Variants in FAT3 observed in about 807,000 individuals in gnomAD.
The protein encoded by FAT3 is protocadherin Fat 3.
FAT3 carries 95 observed loss-of-function variants against 310.2 expected under a neutral mutation model. The observed-to-expected ratio is 0.31, with a 90% CI of 0.26 to 0.36. The LOEUF is 0.36. Ranked by LOEUF, FAT3 falls within the 10% of genes least tolerant of loss-of-function variation. FAT3 has a pLI of 1.00. For synonymous variants in FAT3, 2,314 were observed against 2,192.9 expected (o/e 1.06, Z -1.54); for missense variants, 5,408 against 5,715.6 (o/e 0.95, Z 1.74).
chr11:92,771,762 TAA>T (rs5793624), intron 6 of FAT3, among the ~76,000 whole-genome samples: 68 of 140,604 alleles, frequency 4.8e-4, no homozygotes, highest in African/African-American at 1.2e-3. Context: ...GAGAGAACTG[TAA>T]AAAAAAAAAA....
intron 3 of FAT3, among the ~76,000 whole-genome samples, chr11:92,620,649 TA>T (rs141176140): frequency 0.034 from 5,160 of 152,158 alleles, 216 homozygotes; most frequent in East Asian, 0.21. Flanking sequence ...CTTCCATTAT[TA>T]AAAAAAATTA....
Position 92,848,954 on chromosome 11 carries a change from G to A in FAT3, c.11365+4222G>A, listed in dbSNP as rs1009086211. Among the ~76,000 whole-genome samples, 65 of 152,228 alleles carry A rather than the reference G, an allele frequency of 4.3e-4. 1 individual carries two copies. Among genetic ancestry groups the A allele is most frequent in the African/African-American group, 1.5e-3 (61 of 41,468 alleles). ...AGCCAAGGCATGGAGTTAAGAACTG[G>A]TGTGCAATTCAGTGCACGGATCGAG... On this transcript the variant is annotated intron_variant, in intron 19 of 27. Transcript: ENST00000525166.
chr11:92,230,063 C>G (rs1257041324), intron 1 of FAT3, among the ~76,000 whole-genome samples: 1 of 151,948 alleles, frequency 6.6e-6, no homozygotes, highest in Non-Finnish European at 1.5e-5. Flanking sequence ...TACAGAGGAC[C>G]CTGAGAGGAG....
intron 2 of FAT3, among the ~76,000 whole-genome samples, chr11:92,381,240 T>A (rs1224113376): frequency 6.6e-6 from 1 of 152,236 alleles, no homozygotes; most frequent in African/African-American, 2.4e-5. Context: ...CCAGGTGCAG[T>A]GGCTCACGCC....
At chr11:92,753,712 G>A (rs1056096150) in intron 4 of FAT3, among the ~76,000 whole-genome samples, 5 of 151,640 alleles carry the variant, frequency 3.3e-5, no homozygotes, top group African/African-American at 9.7e-5. Context: ...CAACCTCTGG[G>A]TCTACATGCA....
intron 3 of FAT3, among the ~76,000 whole-genome samples, chr11:92,662,105 G>T (rs1942804669): frequency 6.6e-6 from 1 of 152,266 alleles, no homozygotes; most frequent in Admixed American, 6.5e-5. Context: ...GATACAGAAG[G>T]AGTTGTGTTT....
intron 14 of FAT3, among the ~76,000 whole-genome samples, chr11:92,832,841 G>A (rs993344561): frequency 6.6e-6 from 1 of 152,102 alleles, no homozygotes; most frequent in African/African-American, 2.4e-5. Context: ...TGATCTGCAT[G>A]GTGATATGCA....
At chr11:92,727,158 G>A (rs1214164638) in intron 4 of FAT3, among the ~76,000 whole-genome samples, 2 of 152,098 alleles carry the variant, frequency 1.3e-5, no homozygotes, top group African/African-American at 4.8e-5. Context: ...TGGCAAGTTG[G>A]CTTCTGGCAA....
intron 1 of FAT3, among the ~76,000 whole-genome samples, chr11:92,351,771 G>A (rs1432469325): frequency 6.6e-6 from 1 of 151,962 alleles, no homozygotes; most frequent in Non-Finnish European, 1.5e-5. Flanking sequence ...ATGCACTTAA[G>A]GCTTCCAATA....
intron 3 of FAT3, among the ~76,000 whole-genome samples, chr11:92,641,563 C>T (rs966077143): frequency 2.6e-5 from 4 of 152,184 alleles, no homozygotes; most frequent in African/African-American, 9.7e-5. Flanking sequence ...CAATCTCGGC[C>T]TCTGTCTTCA....
chr11:92,698,917 C>G (rs958339187), intron 4 of FAT3, among the ~76,000 whole-genome samples: 1 of 152,192 alleles, frequency 6.6e-6, no homozygotes, highest in African/African-American at 2.4e-5. Flanking sequence ...TCTGAGGAGT[C>G]TGGCTGAGAT....
At chr11:92,731,702 G>GGA in intron 4 of FAT3, among the ~76,000 whole-genome samples, 1 of 148,096 alleles carries the variant, frequency 6.8e-6, no homozygotes, top group African/African-American at 2.5e-5. Context: ...ATTCTCTTGG[G>GGA]AAAAAAAAAA....
chr11:92,279,682 A>G (rs1049730070), intron 1 of FAT3, among the ~76,000 whole-genome samples: 1 of 152,150 alleles, frequency 6.6e-6, no homozygotes, highest in African/African-American at 2.4e-5. Flanking sequence ...TATCATTTCT[A>G]TGTGTTGAGA....
intron 1 of FAT3, among the ~76,000 whole-genome samples, chr11:92,239,362 A>G (rs1220407950): frequency 6.6e-6 from 1 of 152,108 alleles, no homozygotes; most frequent in Non-Finnish European, 1.5e-5. Context: ...CTGCACGTGC[A>G]TGGCAAATAT....
intron 2 of FAT3, among the ~76,000 whole-genome samples, chr11:92,412,758 T>C (rs10830912): frequency 0.94 from 57,737 of 61,112 alleles, 27,375 homozygotes; most frequent in South Asian, 0.98. Context: ...TATACATACA[T>C]ATATATATAT....
intron 1 of FAT3, among the ~76,000 whole-genome samples, chr11:92,244,695 C>G (rs1477268272): frequency 6.6e-6 from 1 of 152,084 alleles, no homozygotes; most frequent in Non-Finnish European, 1.5e-5. Flanking sequence ...TACCTAGTCT[C>G]ATAATTTCTG....
chr11:92,778,103 G>A (rs182513844), intron 7 of FAT3, among the ~76,000 whole-genome samples: 1 of 152,184 alleles, frequency 6.6e-6, no homozygotes, highest in Non-Finnish European at 1.5e-5. Context: ...GTGCCTTAAG[G>A]CACCCTCGGT....
At chr11:92,527,257 T>A (rs766790079) in intron 3 of FAT3, among the ~76,000 whole-genome samples, 12 of 152,196 alleles carry the variant, frequency 7.9e-5, no homozygotes, top group Non-Finnish European at 2.9e-5. Flanking sequence ...CTTCATGAAC[T>A]TACCAGCTTC....
chr11:92,882,682 T>A lies in FAT3; in HGVS notation c.12282-56T>A, dbSNP rs1481773368. The stretch of plus-strand genomic sequence containing the variant: ...GTCTGTGTTTTCTCGAGTTCCCGTA[T>A]ACCAACGTGTGTGCACTGGTCCTGA... On this transcript the variant is annotated intron_variant, in intron 23 of 27. Coordinates refer to ENST00000525166, the MANE Select transcript of FAT3 (RefSeq NM_001367949.2). 6.7e-6 allele frequency: 10 copies of A among 1,486,082 alleles called. No individual in the cohort carries two copies. In the East Asian group the frequency reaches 1.9e-4, roughly 28 times the overall value. 92.1% of individuals were successfully genotyped at this position (1,486,082 alleles called of 1,614,324 possible).
Sources: allele counts gnomAD v4.1 joint callset (sites outside exome capture counted in the v4.1 genomes callset), GRCh38; gene constraint gnomAD v4.1.1; transcripts MANE v1.5; gene names NCBI Gene and HGNC (gene_info 2026-07-23, HGNC 2026-07-21).